DYRK1A: variants seen among roughly 807,000 people sequenced by gnomAD.
DYRK1A encodes dual specificity tyrosine phosphorylation regulated kinase 1A.
A neutral mutation model predicts 79.7 loss-of-function variants in DYRK1A; 9 were observed. That is an observed-to-expected ratio of 0.11 (90% CI 0.07 to 0.20). The LOEUF is 0.20. Ranked by LOEUF, DYRK1A falls within the 10% of genes least tolerant of loss-of-function variation. The pLI is 1.00. For missense variants in DYRK1A, 622 were observed against 956.0 expected, an observed-to-expected ratio of 0.65 and a Z score of 4.61; for synonymous variants, 349 against 329.7, an observed-to-expected ratio of 1.06 and a Z score of -0.63.
At chr21:37,442,200 G>T (rs1017884698) in intron 2 of DYRK1A, among the ~76,000 whole-genome samples, 2 of 151,670 alleles carry the variant, frequency 1.3e-5, no homozygotes, top group Admixed American at 1.3e-4. Flanking sequence ...AGTTTTCTTT[G>T]TGTTTCTTGT....
intron 2 of DYRK1A, among the ~76,000 whole-genome samples, chr21:37,435,485 A>G (rs749345665): frequency 6.6e-6 from 1 of 152,206 alleles, no homozygotes; most frequent in Non-Finnish European, 1.5e-5. Flanking sequence ...TAAGGCTTTA[A>G]TTGCTCTGTT....
Position 37,512,433 on chromosome 21 carries a change from A to C in DYRK1A, c.2167A>C (p.Met723Leu). The C allele has an allele frequency of 6.2e-7, 1 of 1,614,242 alleles. No homozygotes were observed. The highest frequency in any genetic ancestry group is 8.5e-7 in the Non-Finnish European group (1 of 1,180,046). Residue 723 changes from methionine to leucine, a missense_variant, in exon 12 of 12, where the codon ATG becomes CTG. Met to Leu is a conservative substitution (Grantham distance 15). Around this residue, in one of 5 missense-constraint regions of DYRK1A, gnomAD observed 292 missense variants for 316.7 expected, o/e 0.92. Coordinates refer to ENST00000647188, the MANE Select transcript of DYRK1A (RefSeq NM_001347721.2). ...TGCTAATACAGGTCCTGCACATTACATGACTGAAGGACATCTGACAATGAG... is the reference window on the plus strand; with the variant it reads ...TGCTAATACAGGTCCTGCACATTACCTGACTGAAGGACATCTGACAATGAG... Reference protein sequence around the residue: ...FSANTGPAHYMTEGHLTMRQG... With the variant: ...FSANTGPAHYLTEGHLTMRQG...
At chr21:37,453,372 G>A (rs2148507357) in intron 2 of DYRK1A, among the ~76,000 whole-genome samples, 1 of 152,278 alleles carries the variant, frequency 6.6e-6, no homozygotes, top group Middle Eastern at 3.4e-3. Context: ...TATAGTAGGG[G>A]CTCAGTAGAT....
In DYRK1A at chr21:37,403,661, A is replaced by ATGTGTG. The variant is rs1385707900; in HGVS notation, c.-76-16637_-76-16636insGTGTGT. On this transcript the variant is annotated intron_variant, in intron 1 of 11. Transcript: ENST00000647188. ...AAAAAAAAAAAAAATATATATATATATATGTGTGTGTGTGTGTGTGTGTGT... is the reference window on the plus strand; with the variant it reads ...AAAAAAAAAAAAAATATATATATATATGTGTGTATGTGTGTGTGTGTGTGTGTGTGT... Among the ~76,000 whole-genome samples the ATGTGTG allele has an allele frequency of 1.7e-3, 197 of 113,352 alleles. 2 individuals carry two copies. The highest frequency in any genetic ancestry group is 5.9e-3 in the African/African-American group (180 of 30,714). 74.4% of individuals were successfully genotyped at this position (113,352 alleles called of 152,430 possible).
intron 2 of DYRK1A, among the ~76,000 whole-genome samples, chr21:37,468,704 T>C (rs1159564309): frequency 6.6e-6 from 1 of 152,192 alleles, no homozygotes; most frequent in Admixed American, 6.5e-5. Flanking sequence ...TACACAGAAG[T>C]CAAATGCAAA....
At chr21:37,367,966 C>T (rs904376478) in intron 1 of DYRK1A, 14 of 162,620 alleles carry the variant, frequency 8.6e-5, no homozygotes, top group Admixed American at 2.6e-4. Flanking sequence ...TCCTCCTCTT[C>T]CTCCTCATCC....
chr21:37,426,053 C>T (rs1246707985), intron 2 of DYRK1A, among the ~76,000 whole-genome samples: 1 of 152,164 alleles, frequency 6.6e-6, no homozygotes, highest in Admixed American at 6.5e-5. Flanking sequence ...CCAGTTTAAG[C>T]TCCATTCCCA....
chr21:37,468,895 A>C (rs894063839), intron 2 of DYRK1A, among the ~76,000 whole-genome samples: 1 of 152,252 alleles, frequency 6.6e-6, no homozygotes, highest in African/African-American at 2.4e-5. Flanking sequence ...GAGGGTGACA[A>C]GGCAAGCTGC....
rs2053948013 is a variant in DYRK1A at position 37,523,385 on chromosome 21, C to T, written c.*10854C>T. 1 of 152,082 alleles carries T rather than the reference C, an allele frequency of 6.6e-6. No individual in the cohort carries two copies. The highest frequency in any genetic ancestry group is 2.4e-5 in the African/African-American group (1 of 41,382). 9.4% of individuals were successfully genotyped at this position (152,082 alleles called of 1,614,324 possible). A position where few individuals can be genotyped will look rare whatever the true frequency, so the allele number is the denominator to read the frequency against. The stretch of plus-strand genomic sequence containing the variant: ...TGAGAGGGGGCCCCAGGATTATGCC[C>T]CGGGATTAAAAGAAGCTGGGAGGCT... On this transcript the variant is annotated 3_prime_UTR_variant, in exon 12 of 12. Coordinates refer to ENST00000647188, the MANE Select transcript of DYRK1A (RefSeq NM_001347721.2).
At chr21:37,500,574 A>G (rs148811679) in intron 9 of DYRK1A, among the ~76,000 whole-genome samples, 16 of 152,272 alleles carry the variant, frequency 1.1e-4, no homozygotes, top group African/African-American at 2.9e-4. Flanking sequence ...AGTAGAGGTC[A>G]TTGATGAAAC....
At chr21:37,383,032 G>A (rs1382124252) in intron 1 of DYRK1A, among the ~76,000 whole-genome samples, 1 of 152,144 alleles carries the variant, frequency 6.6e-6, no homozygotes, top group Non-Finnish European at 1.5e-5. Context: ...GAGGGAGAGC[G>A]ATCTCCACCA....
At chr21:37,417,768 T>A (rs2050385682) in intron 1 of DYRK1A, among the ~76,000 whole-genome samples, 1 of 151,990 alleles carries the variant, frequency 6.6e-6, no homozygotes, top group Non-Finnish European at 1.5e-5. Flanking sequence ...GTTTGTAAGT[T>A]TAACTTCAAA....
intron 2 of DYRK1A, among the ~76,000 whole-genome samples, chr21:37,444,643 A>G (rs548964137): frequency 6.6e-6 from 1 of 152,260 alleles, no homozygotes; most frequent in African/African-American, 2.4e-5. Context: ...AGGATGAAGC[A>G]TCGAAAAACA....
upstream of DYRK1A, chr21:37,366,293 T>G (rs1443347147): frequency 7.9e-6 from 1 of 127,362 alleles, no homozygotes; most frequent in Non-Finnish European, 1.7e-5. Flanking sequence ...AGCCCGCCCC[T>G]CCCCCCGGCG....
intron 5 of DYRK1A, among the ~76,000 whole-genome samples, chr21:37,482,895 G>T (rs1002525935): frequency 6.6e-6 from 1 of 152,194 alleles, no homozygotes; most frequent in African/African-American, 2.4e-5. Flanking sequence ...ATATGGCTCT[G>T]TTCCGCCCGG....
chr21:37,500,922 T>C (rs1215436438), intron 9 of DYRK1A, among the ~76,000 whole-genome samples: 1 of 151,258 alleles, frequency 6.6e-6, no homozygotes, highest in Non-Finnish European at 1.5e-5. Context: ...TTTGACTTTG[T>C]TGATTTCTTT....
At chr21:37,482,705 G>A (rs940300846) in intron 5 of DYRK1A, among the ~76,000 whole-genome samples, 20 of 152,136 alleles carry the variant, frequency 1.3e-4, no homozygotes, top group African/African-American at 4.3e-4. Flanking sequence ...TAAGCCTGGG[G>A]GTGCTATGGG....
intron 2 of DYRK1A, among the ~76,000 whole-genome samples, chr21:37,469,334 A>G (rs1451479842): frequency 6.6e-6 from 1 of 152,272 alleles, no homozygotes; most frequent in Non-Finnish European, 1.5e-5. Flanking sequence ...CAAACTGGAA[A>G]TAATCCAGGT....
At position 37,512,064 on chromosome 21, in the gene DYRK1A, C is replaced by T. The variant is rs2148662371; in HGVS notation, c.1798C>T (p.His600Tyr). Residue 600 changes from histidine to tyrosine, a missense_variant, in exon 12 of 12, where the codon CAT (histidine) becomes TAT (tyrosine). By Grantham distance (83) the His-to-Tyr change is moderately conservative. This residue lies in a region of DYRK1A where 292 missense variants were observed against 316.7 expected (regional missense o/e 0.92). Coordinates refer to ENST00000647188, the MANE Select transcript of DYRK1A (RefSeq NM_001347721.2). ...HHHHGNSSHH[H>Y]HHHHHHHHHH... is the part of the protein sequence containing the mutation. ...TCACCATGGTAACAGTTCCCATCACCATCACCACCACCACCACCATCACCA... is the reference window on the plus strand; with the variant it reads ...TCACCATGGTAACAGTTCCCATCACTATCACCACCACCACCACCATCACCA... 1 of 1,614,006 alleles carries T rather than the reference C, an allele frequency of 6.2e-7. No homozygotes were observed. Among genetic ancestry groups the T allele is most frequent in the Non-Finnish European group, 8.5e-7 (1 of 1,179,988 alleles).
Sources: allele counts gnomAD v4.1 joint callset (sites outside exome capture counted in the v4.1 genomes callset), GRCh38; gene constraint gnomAD v4.1.1; regional missense constraint gnomAD v4.1.1; transcripts MANE v1.5; gene names NCBI Gene and HGNC (gene_info 2026-07-23, HGNC 2026-07-21).